ODAD1: variants seen among roughly 807,000 people sequenced by gnomAD.
The protein encoded by ODAD1 is outer dynein arm-docking complex subunit 1.
ODAD1 carries 49 observed loss-of-function variants against 67.2 expected under a neutral mutation model. The ratio of observed to expected loss-of-function variants is 0.73; its 90% CI spans 0.58 to 0.92. ODAD1 has a LOEUF of 0.92. Ranked by LOEUF, ODAD1 falls within the 40% of genes least tolerant of loss-of-function variation. The pLI is 0.00. For synonymous variants in ODAD1, 345 were observed against 393.7 expected (o/e 0.88, Z 1.46); for missense variants, 897 against 953.7 (o/e 0.94, Z 0.78).
intron 7 of ODAD1, among the ~76,000 whole-genome samples, chr19:48,307,776 C>T (rs1406988784): frequency 6.7e-6 from 1 of 149,768 alleles, no homozygotes; most frequent in Non-Finnish European, 1.5e-5. Flanking sequence ...GATCATGCCA[C>T]TGCACTCCAG....
In ODAD1 at chr19:48,312,009, T is replaced by C. The variant is rs1213109136; in HGVS notation, c.468A>G (p.Glu156=). Residue 156 remains glutamate (E), a synonymous_variant, in exon 6 of 16, where the codon GAA becomes GAG. Coordinates refer to ENST00000674294, the MANE Select transcript of ODAD1 (RefSeq NM_001364171.2). ...VKIRRRIRIL[E]NQLDRVTCHF... is the part of the protein sequence containing the mutation. The stretch of plus-strand genomic sequence containing the variant: ...TGACCCTCACCCTGTCCAACTGGTT[T>C]TCTAGGATCCTGATCCTTCGCCTGA... 4 of 1,551,430 alleles carry C rather than the reference T, an allele frequency of 2.6e-6. No homozygotes were observed. The highest frequency in any genetic ancestry group is 2.4e-5 in the East Asian group (1 of 40,914).
At chr19:48,312,184 A>G in intron 5 of ODAD1, 68 bp from the exon 6 acceptor site, 1 of 1,254,632 alleles carries the variant, frequency 8.0e-7, no homozygotes, top group Non-Finnish European at 1.1e-6. Context: ...GGCCCAGGGA[A>G]AATGAGTCAC....
chr19:48,304,469 A>T (rs1366099094), intron 8 of ODAD1, among the ~76,000 whole-genome samples: 1 of 152,170 alleles, frequency 6.6e-6, no homozygotes, highest in African/African-American at 2.4e-5. Flanking sequence ...AAATACAAAA[A>T]TTAGCCAGAC....
Position 48,320,255 on chromosome 19 carries a change from G to A in ODAD1, c.70+44C>T. ...GACCTGGAACTTGGGAAAGCTGGGG[G>A]CTGGAAAAGAATGGGTGAATGATAT... is the stretch of plus-strand genomic sequence containing the variant. On this transcript the variant is annotated intron_variant, in intron 3 of 15. Transcript: ENST00000674294. 2.6e-6 allele frequency: 3 copies of A among 1,172,294 alleles called. No individual in the cohort carries two copies. The South Asian group carries it at 3.9e-5, about 15-fold the overall frequency. The allele number at this position is 1,172,294 out of a possible 1,614,324, so 72.6% of individuals were successfully genotyped here.
At chr19:48,299,407 TCTCAAAAAAAC>T (rs1968397303) in intron 12 of ODAD1, among the ~76,000 whole-genome samples, 1 of 151,822 alleles carries the variant, frequency 6.6e-6, no homozygotes, top group African/African-American at 2.4e-5. Flanking sequence ...TGAGATTCCA[TCTCAAAAAAAC>T]AAATAAAAGC....
rs1569000369 is a variant in ODAD1, at chr19:48,297,088, G to A, written c.2012C>T (p.Thr671Ile). The change falls in exon 16 of 16, where the codon ACA becomes ATA. Residue 671 changes from threonine (T) to isoleucine (I), a missense_variant. Coordinates refer to ENST00000674294, the MANE Select transcript of ODAD1 (RefSeq NM_001364171.2). The stretch of plus-strand genomic sequence containing the variant: ...GAGGCCTCCGCTCGAATCAGACGCT[G>A]TGCCTCCGCTCTCCACACCACCCTC... ...NTEGGVESGG[T>I]ASDSSGGLGS... is the part of the protein sequence containing the mutation. 1 of 1,613,368 alleles carries A rather than the reference G, an allele frequency of 6.2e-7. No homozygotes were observed.
intron 10 of ODAD1, chr19:48,303,417 G>A: frequency 1.6e-6 from 1 of 606,776 alleles, no homozygotes; most frequent in Non-Finnish European, 2.9e-6. Flanking sequence ...CAGGGTTGAG[G>A]GAAGGATGTG....
intron 5 of ODAD1, among the ~76,000 whole-genome samples, chr19:48,313,426 CAA>C (rs568077350): frequency 2.7e-4 from 8 of 30,026 alleles, no homozygotes; most frequent in Admixed American, 6.3e-4. Context: ...GACTCCATCT[CAA>C]AAAAAAAAAA....
intron 10 of ODAD1, 21 bp downstream of exon 10, chr19:48,303,626 CCCT>C: frequency 1.2e-6 from 2 of 1,613,770 alleles, no homozygotes; most frequent in Non-Finnish European, 1.7e-6. Flanking sequence ...CGGGCCTCCT[CCCT>C]CCACCCAGGG....
intron 8 of ODAD1, among the ~76,000 whole-genome samples, chr19:48,305,682 A>G (rs1366694101): frequency 6.6e-6 from 1 of 152,036 alleles, no homozygotes; most frequent in Non-Finnish European, 1.5e-5. Flanking sequence ...TTGGGATTAC[A>G]GGCGTGAGCC....
chr19:48,315,361 A>G (rs542026565), intron 5 of ODAD1, among the ~76,000 whole-genome samples: 105 of 152,302 alleles, frequency 6.9e-4, no homozygotes, highest in African/African-American at 2.5e-3. Flanking sequence ...CCTGGCCAAC[A>G]TGGCGAAACC....
At chr19:48,314,985 T>C (rs1282839239) in intron 5 of ODAD1, among the ~76,000 whole-genome samples, 1 of 151,930 alleles carries the variant, frequency 6.6e-6, no homozygotes, top group African/African-American at 2.4e-5. Flanking sequence ...ATGTTGACAC[T>C]GGGGGAAAAT....
intron 1 of ODAD1, among the ~76,000 whole-genome samples, chr19:48,321,043 C>A (rs906848824): frequency 6.6e-6 from 1 of 152,196 alleles, no homozygotes; most frequent in African/African-American, 2.4e-5. Flanking sequence ...TCGAGACCAA[C>A]CTGGCCAACA....
rs549490287 is a variant in ODAD1, at chr19:48,299,837, T to C, written c.1241-1497A>G. Among the ~76,000 whole-genome samples, 3 of 145,138 alleles carry C rather than the reference T, an allele frequency of 2.1e-5. No homozygotes were observed. The South Asian group carries it at 6.5e-4, about 32-fold the overall frequency. On this transcript the variant is annotated intron_variant, in intron 12 of 15. Coordinates refer to ENST00000674294, the MANE Select transcript of ODAD1 (RefSeq NM_001364171.2). ...TAATAATAATAATAGAAAAAAAGGA[T>C]GCACAGGTGGATGCAACATACCCAC...
intron 3 of ODAD1, chr19:48,319,409 C>T (rs1569013437): frequency 1.0e-6 from 1 of 984,968 alleles, no homozygotes. Context: ...GGATCCCAGA[C>T]CCCAAGTGAC....
In ODAD1 at chr19:48,303,059, T is replaced by C; in HGVS notation, c.1025A>G (p.Asn342Ser). 3 of 1,614,034 alleles carry C rather than the reference T, an allele frequency of 1.9e-6. No individual in the cohort carries two copies. The highest frequency in any genetic ancestry group is 1.1e-5 in the South Asian group (1 of 91,080). ...ATGCTCCAGCTCCAAGTTCTGCTCG[T>C]TGATGAAGTTGAACTCAGCAAAGTT... ...ERNFAEFNFI[N>S]EQNLELEHVQ... is the part of the protein sequence containing the mutation. The change falls in exon 11 of 16, where the codon AAC becomes AGC. Residue 342 changes from asparagine to serine, a missense_variant. Coordinates refer to ENST00000674294, the MANE Select transcript of ODAD1 (RefSeq NM_001364171.2).
intron 14 of ODAD1, 91 bp downstream of exon 14, chr19:48,297,909 C>T: frequency 9.0e-7 from 1 of 1,106,936 alleles, no homozygotes; most frequent in Non-Finnish European, 1.3e-6. Flanking sequence ...AGCCAGTCCC[C>T]AAAAGCCCCC....
chr19:48,299,878 A>C (rs1027614012), intron 12 of ODAD1, among the ~76,000 whole-genome samples: 1 of 151,632 alleles, frequency 6.6e-6, no homozygotes, highest in African/African-American at 2.4e-5. Flanking sequence ...GGATTAAAAA[A>C]AAAAAAAAGA....
chr19:48,321,197 C>T (rs1260972407), intron 1 of ODAD1, among the ~76,000 whole-genome samples: 1 of 152,226 alleles, frequency 6.6e-6, no homozygotes, highest in Non-Finnish European at 1.5e-5. Context: ...GAGATCCCGC[C>T]ACTGCACTCC....
Sources: allele counts gnomAD v4.1 joint callset (sites outside exome capture counted in the v4.1 genomes callset), GRCh38; gene constraint gnomAD v4.1.1; transcripts MANE v1.5; gene names NCBI Gene and HGNC (gene_info 2026-07-23, HGNC 2026-07-21).